RASGRP3: variants seen among roughly 807,000 people sequenced by gnomAD.
The protein encoded by RASGRP3 is RAS guanyl releasing protein 3.
In RASGRP3, 54 loss-of-function variants were observed where a neutral mutation model predicts 82.7. The ratio of observed to expected loss-of-function variants is 0.65; its 90% confidence interval spans 0.52 to 0.82. The LOEUF is 0.82. Ranked by LOEUF, RASGRP3 falls within the 40% of genes least tolerant of loss-of-function variation. The probability of loss-of-function intolerance (pLI) is 0.00; values close to 1 mark genes in which losing one functional copy is unlikely to be tolerated. For missense variants in RASGRP3, 861 were observed against 828.9 expected, an observed-to-expected ratio of 1.04 and a Z score of -0.48; for synonymous variants, 309 against 300.5, an observed-to-expected ratio of 1.03 and a Z score of -0.29.
chr2:33,452,348 C>A (rs748175536), intron 2 of RASGRP3, among the ~76,000 whole-genome samples: 1 of 152,098 alleles, frequency 6.6e-6, no homozygotes, highest in Non-Finnish European at 1.5e-5. Flanking sequence ...CCTGTTCTAC[C>A]TTTTACATAT....
intron 14 of RASGRP3, among the ~76,000 whole-genome samples, chr2:33,552,311 A>G (rs1675450954): frequency 1.3e-5 from 2 of 152,186 alleles, no homozygotes; most frequent in African/African-American, 2.4e-5. Context: ...GTCTATTTCT[A>G]TCTGTAAAAG....
chr2:33,457,533 T>G (rs1264680169), intron 2 of RASGRP3, among the ~76,000 whole-genome samples: 1 of 152,234 alleles, frequency 6.6e-6, no homozygotes, highest in Non-Finnish European at 1.5e-5. Flanking sequence ...ATTAAGATTG[T>G]TTTGATGAAT....
At chr2:33,465,799 G>A (rs536875018) in intron 2 of RASGRP3, among the ~76,000 whole-genome samples, 6 of 152,206 alleles carry the variant, frequency 3.9e-5, no homozygotes, top group Non-Finnish European at 8.8e-5. Flanking sequence ...GTGACTTTAA[G>A]TTGAAGCCAA....
Position 33,496,722 on chromosome 2 carries a change from C to T in RASGRP3, c.-260-14988C>T, listed in dbSNP as rs187905942. On this transcript the variant is annotated intron_variant, in intron 1 of 17. Transcript: ENST00000403687. ...AAATACAAAAATTAGCAAGGTGTGG[C>T]GGCGCATGCCTGTAGTCCCAACTAC... is the stretch of plus-strand genomic sequence containing the variant. Among the ~76,000 whole-genome samples, 1,373 of 152,158 alleles carry T rather than the reference C, an allele frequency of 9.0e-3. 9 individuals are homozygous for T. Among genetic ancestry groups the T allele is most frequent in the Non-Finnish European group, 0.015 (1,014 of 68,006 alleles).
chr2:33,547,631 G>C (rs1418478427), intron 13 of RASGRP3, among the ~76,000 whole-genome samples: 1 of 152,086 alleles, frequency 6.6e-6, no homozygotes, highest in East Asian at 1.9e-4. Context: ...CAAAAATTCA[G>C]GACAACAGTC....
chr2:33,498,387 C>G (rs1669528557), intron 1 of RASGRP3, among the ~76,000 whole-genome samples: 1 of 152,150 alleles, frequency 6.6e-6, no homozygotes, highest in African/African-American at 2.4e-5. Flanking sequence ...TGGTCTGGCT[C>G]TAGAGTCCAT....
At chr2:33,457,254 G>T (rs1019047078) in intron 2 of RASGRP3, among the ~76,000 whole-genome samples, 5 of 151,956 alleles carry the variant, frequency 3.3e-5, no homozygotes, top group Non-Finnish European at 5.9e-5. Context: ...ATCCAAGTTT[G>T]TTATAAATGA....
In RASGRP3 at chr2:33,523,743, G is replaced by T. The variant is rs998618652; in HGVS notation, c.517-136G>T. On this transcript the variant is annotated intron_variant, in intron 7 of 17. Coordinates refer to ENST00000403687, the MANE Select transcript of RASGRP3 (RefSeq NM_001139488.2). ...GACACATGTATATTCAAACTTTTAG[G>T]ATGCCATTGTAAATGTGAAATAAAA... The T allele has an allele frequency of 3.7e-5, 35 of 939,540 alleles. No individual in the cohort carries two copies. In the African/African-American group the frequency reaches 5.3e-4, roughly 14 times the overall value. 58.2% of individuals were successfully genotyped at this position (939,540 alleles called of 1,614,324 possible).
chr2:33,490,879 A>T (rs1233322364), intron 1 of RASGRP3, among the ~76,000 whole-genome samples: 2 of 152,258 alleles, frequency 1.3e-5, no homozygotes, highest in African/African-American at 4.8e-5. Flanking sequence ...AGGCCCTGGC[A>T]TAATGTCTGG....
chr2:33,555,243 G>A (rs1284893890), intron 14 of RASGRP3: 1 of 256,178 alleles, frequency 3.9e-6, no homozygotes, highest in Non-Finnish European at 7.4e-6. Context: ...TGTACATTTT[G>A]CTGAGAGCGC....
intron 1 of RASGRP3, among the ~76,000 whole-genome samples, chr2:33,447,089 G>C (rs1341221082): frequency 2.1e-5 from 3 of 146,334 alleles, no homozygotes; most frequent in Admixed American, 1.4e-4. Context: ...CTGGGTGACA[G>C]AGCGAGACTC....
intron 1 of RASGRP3, among the ~76,000 whole-genome samples, chr2:33,499,539 C>CG (rs1558449004): frequency 6.6e-6 from 1 of 152,092 alleles, no homozygotes; most frequent in Admixed American, 6.5e-5. Context: ...GCCTGGGCAA[C>CG]GGAGTGAGAC....
At chr2:33,464,829 C>T (rs1011660820) in intron 2 of RASGRP3, among the ~76,000 whole-genome samples, 7 of 152,152 alleles carry the variant, frequency 4.6e-5, no homozygotes, top group African/African-American at 1.7e-4. Context: ...CCAAAGCACA[C>T]CCATATTGGC....
rs189665995 is a variant in RASGRP3, at chr2:33,519,093, C to T, written c.174-859C>T. 7.1e-3 allele frequency among the ~76,000 whole-genome samples: 1,074 copies of T among 152,290 alleles called. 3 individuals are homozygous for T. Among genetic ancestry groups the T allele is most frequent in the Non-Finnish European group, 0.011 (715 of 68,016 alleles). ...GTGCACACTAGACTTTTATATGACT[C>T]ACACAACAGCAGGTTTGTTTACACC... On this transcript the variant is annotated intron_variant, in intron 4 of 17. Transcript: ENST00000403687.
chr2:33,530,263 G>A (rs1180996033), intron 10 of RASGRP3, among the ~76,000 whole-genome samples: 7 of 152,218 alleles, frequency 4.6e-5, no homozygotes, highest in African/African-American at 7.2e-5. Context: ...AGCTGAGGTC[G>A]CCTGTATATG....
intron 2 of RASGRP3, among the ~76,000 whole-genome samples, chr2:33,464,994 G>A (rs182082817): frequency 6.6e-6 from 1 of 152,244 alleles, no homozygotes; most frequent in Admixed American, 6.5e-5. Context: ...GCTTCTAAGT[G>A]TTCAAGTGAG....
Position 33,540,547 on chromosome 2 carries a change from G to C in RASGRP3, c.1278+1337G>C, listed in dbSNP as rs1166182747. On this transcript the variant is annotated intron_variant, in intron 12 of 17. Transcript: ENST00000403687. The stretch of plus-strand genomic sequence containing the variant: ...TTTCTCTCTCTCTCTCTCTCTCTGT[G>C]TGTGTGTTTTGTGTGTGTGTGTGTG... 2.6e-3 allele frequency among the ~76,000 whole-genome samples: 89 copies of C among 34,534 alleles called. 8 individuals are homozygous for C. The highest frequency in any genetic ancestry group is 0.01 in the African/African-American group (62 of 6,134). The allele number at this position is 34,534 out of a possible 152,430, so 22.7% of individuals were successfully genotyped here. A position where few individuals can be genotyped will look rare whatever the true frequency, so the allele number is the denominator to read the frequency against.
chr2:33,544,420 G>C (rs1205094980), intron 13 of RASGRP3, among the ~76,000 whole-genome samples: 1 of 151,716 alleles, frequency 6.6e-6, no homozygotes, highest in Non-Finnish European at 1.5e-5. Context: ...AGGTTGTCTT[G>C]ATAAAGAAAA....
chr2:33,497,015 G>A (rs1200072056), intron 1 of RASGRP3, among the ~76,000 whole-genome samples: 1 of 152,108 alleles, frequency 6.6e-6, no homozygotes, highest in Non-Finnish European at 1.5e-5. Flanking sequence ...CCTACTCATT[G>A]ATTAATGGTA....
Sources: allele counts gnomAD v4.1 joint callset (sites outside exome capture counted in the v4.1 genomes callset), GRCh38; gene constraint gnomAD v4.1.1; transcripts MANE v1.5; gene names NCBI Gene and HGNC (gene_info 2026-07-23, HGNC 2026-07-21).